RAD51B: variants seen among roughly 807,000 people sequenced by gnomAD.
RAD51B encodes the protein DNA repair protein RAD51 homolog 2.
RAD51B carries 38 observed loss-of-function variants against 42.2 expected under a neutral mutation model. The observed-to-expected ratio is 0.90, with a 90% CI of 0.70 to 1.18. The LOEUF (loss-of-function observed/expected upper bound fraction) is 1.18, where lower values mean the gene tolerates loss of function less well. Ranked by LOEUF, RAD51B falls within the 50% of genes most tolerant of loss-of-function variation. The pLI is 0.00. For missense variants in RAD51B, 373 were observed against 400.7 expected (o/e 0.93, Z 0.59); for synonymous variants, 154 against 145.2 (o/e 1.06, Z -0.43).
chr14:68,048,670 A>C (rs2076342017), intron 7 of RAD51B, among the ~76,000 whole-genome samples: 1 of 152,240 alleles, frequency 6.6e-6, no homozygotes, highest in Admixed American at 6.5e-5. Flanking sequence ...ATCATCTCAC[A>C]CCAGTTAGAA....
At chr14:68,587,943 G>C (rs771731629) in intron 10 of RAD51B, among the ~76,000 whole-genome samples, 2 of 152,184 alleles carry the variant, frequency 1.3e-5, no homozygotes, top group African/African-American at 2.4e-5. Context: ...ATAGATCCTC[G>C]CTCCTATAAA....
At chr14:67,947,185 A>T (rs2045424868) in intron 7 of RAD51B, among the ~76,000 whole-genome samples, 1 of 152,210 alleles carries the variant, frequency 6.6e-6, no homozygotes, top group African/African-American at 2.4e-5. Flanking sequence ...TATATTTTAT[A>T]TCCCCATGAC....
intron 8 of RAD51B, among the ~76,000 whole-genome samples, chr14:68,370,490 G>C (rs1254301097): frequency 1.3e-5 from 2 of 152,170 alleles, no homozygotes; most frequent in Admixed American, 6.5e-5. Context: ...ATAATGCAAA[G>C]TTTTCAGCCA....
At chr14:68,103,478 C>G (rs930171582) in intron 7 of RAD51B, among the ~76,000 whole-genome samples, 1 of 152,052 alleles carries the variant, frequency 6.6e-6, no homozygotes, top group Non-Finnish European at 1.5e-5. Context: ...AGGTGAGGAA[C>G]AAAACCAAAA....
At chr14:68,530,299 A>G (rs1036914388) in intron 10 of RAD51B, among the ~76,000 whole-genome samples, 7 of 151,800 alleles carry the variant, frequency 4.6e-5, no homozygotes, top group South Asian at 2.1e-4. Flanking sequence ...TAAAAAAAAA[A>G]TGCCAGTCAT....
intron 7 of RAD51B, among the ~76,000 whole-genome samples, chr14:67,968,454 T>C (rs527330591): frequency 3.9e-5 from 6 of 152,206 alleles, no homozygotes; most frequent in Non-Finnish European, 8.8e-5. Flanking sequence ...ATGGAATGCT[T>C]TTAACAGCAC....
At chr14:68,415,564 G>A (rs729138) in intron 9 of RAD51B, among the ~76,000 whole-genome samples, 9,722 of 152,280 alleles carry the variant, frequency 0.064, 383 homozygotes, top group Middle Eastern at 0.085. Context: ...CTTGCAGTAA[G>A]AGCACAGTGA....
downstream of RAD51B, among the ~76,000 whole-genome samples, chr14:68,615,998 C>T (rs987131813): frequency 3.3e-5 from 5 of 152,202 alleles, no homozygotes; most frequent in Admixed American, 6.5e-5. Context: ...TTGCATCTTT[C>T]CTTGCCTTCT....
chr14:68,567,988 C>T (rs1222854418), intron 10 of RAD51B, among the ~76,000 whole-genome samples: 1 of 152,170 alleles, frequency 6.6e-6, no homozygotes, highest in Non-Finnish European at 1.5e-5. Flanking sequence ...CAAGTTATAG[C>T]CCTGTCCATA....
chr14:68,560,661 G>C (rs558372073), intron 10 of RAD51B, among the ~76,000 whole-genome samples: 53 of 152,238 alleles, frequency 3.5e-4, no homozygotes, highest in African/African-American at 1.2e-3. Context: ...AGTTGAACCC[G>C]GGAGGCGGAG....
intron 7 of RAD51B, among the ~76,000 whole-genome samples, chr14:68,052,194 A>G (rs1281004062): frequency 6.6e-6 from 1 of 152,218 alleles, no homozygotes; most frequent in Non-Finnish European, 1.5e-5. Flanking sequence ...GGAGCATTCT[A>G]TACCAGAAAT....
At chr14:67,893,752 T>A (rs1003018304) in intron 7 of RAD51B, among the ~76,000 whole-genome samples, 1 of 152,076 alleles carries the variant, frequency 6.6e-6, no homozygotes, top group African/African-American at 2.4e-5. Flanking sequence ...TGGCTCTGGG[T>A]AGTCATAAAG....
At chr14:67,925,348 C>G (rs2044467555) in intron 7 of RAD51B, among the ~76,000 whole-genome samples, 1 of 151,960 alleles carries the variant, frequency 6.6e-6, no homozygotes. Context: ...TCTCGGCTCA[C>G]TGTACCCTCT....
At chr14:68,114,278 T>C (rs754704577) in intron 7 of RAD51B, 1 of 152,106 alleles carries the variant, frequency 6.6e-6, no homozygotes, top group Non-Finnish European at 1.5e-5. Flanking sequence ...ATATATATTT[T>C]TGTTTTATAT....
At chr14:68,416,391 GC>G (rs892534038) in intron 9 of RAD51B, among the ~76,000 whole-genome samples, 108 of 152,134 alleles carry the variant, frequency 7.1e-4, no homozygotes, top group African/African-American at 2.5e-3. Flanking sequence ...TGAATTATGA[GC>G]CCCTTGAGGT....
chr14:68,114,352 A>G (rs2077506368), intron 7 of RAD51B, among the ~76,000 whole-genome samples: 1 of 152,118 alleles, frequency 6.6e-6, no homozygotes, highest in Non-Finnish European at 1.5e-5. Context: ...TCCACATTAC[A>G]TTATTGGAAA....
chr14:67,869,632 TG>T (rs1184524207), intron 5 of RAD51B, among the ~76,000 whole-genome samples: 2 of 151,998 alleles, frequency 1.3e-5, no homozygotes, highest in Non-Finnish European at 2.9e-5. Context: ...GACACATAAT[TG>T]TCAGATTCAC....
At chr14:67,868,471 T>C (rs1490300026) in intron 5 of RAD51B, among the ~76,000 whole-genome samples, 3 of 152,292 alleles carry the variant, frequency 2.0e-5, no homozygotes, top group African/African-American at 7.2e-5. Context: ...AGCACAGCAG[T>C]CTGAGATCAA....
In RAD51B at chr14:68,206,788, CTTTTTTT is replaced by C. The variant is rs34642019; in HGVS notation, c.757-85083_757-85077del. Among the ~76,000 whole-genome samples the C allele has an allele frequency of 1.2e-3, 152 of 124,354 alleles. 1 individual carries two copies. In the East Asian group the frequency reaches 0.031, roughly 25 times the overall value. 81.6% of individuals were successfully genotyped at this position (124,354 alleles called of 152,430 possible). On this transcript the variant is annotated intron_variant, in intron 7 of 10. Transcript: ENST00000471583. ...CCCATTTTCCCAAGAAACCCCAGTT[CTTTTTTT>C]TTTTTTTTTTTTGAGACGGAGTCTC... is the stretch of plus-strand genomic sequence containing the variant.
Sources: gnomAD v4.1 joint callset for allele counts (sites outside exome capture counted in the v4.1 genomes callset) on GRCh38, gnomAD v4.1.1 for gene constraint, MANE v1.5 for transcripts, NCBI Gene and HGNC (gene_info 2026-07-23, HGNC 2026-07-21) for gene names.